Variants in FCF1 observed in about 807,000 individuals in gnomAD.
FCF1 encodes rRNA-processing protein FCF1 homolog.
Under a neutral mutation model 32.5 loss-of-function variants are expected in FCF1, and 17 were observed. That is an observed-to-expected ratio of 0.52 (90% CI 0.36 to 0.78). FCF1 has a LOEUF of 0.78. FCF1 is among the 30% of genes least tolerant of loss of function. FCF1 has a pLI of 0.00. For synonymous variants in FCF1, 84 were observed against 78.4 expected (o/e 1.07, Z -0.38); for missense variants, 201 against 241.1 (o/e 0.83, Z 1.10).
At chr14:74,713,249 TGGAGAA>T in intron 1 of FCF1, 49 bp downstream of exon 1, 2 of 1,614,152 alleles carry the variant, frequency 1.2e-6, no homozygotes, top group South Asian at 2.2e-5. Context: ...ACTTTTTGGG[TGGAGAA>T]GGAGGTAGTC....
intron 7 of FCF1, 43 bp from the exon 8 acceptor site, chr14:74,734,839 C>G: frequency 2.8e-3 from 4,017 of 1,448,552 alleles, no homozygotes; most frequent in Non-Finnish European, 3.6e-3. Flanking sequence ...GATGGGTTCT[C>G]TTCCCATCTT....
Position 74,735,174 on chromosome 14 carries a change from G to A in FCF1, c.*244G>A. 1 of 439,384 alleles carries A rather than the reference G, an allele frequency of 2.3e-6. No individual in the cohort carries two copies. Among genetic ancestry groups the A allele is most frequent in the South Asian group, 4.0e-5 (1 of 24,738 alleles). The allele number at this position is 439,384 out of a possible 1,614,324, so 27.2% of individuals were successfully genotyped here. On this transcript the variant is annotated 3_prime_UTR_variant, in exon 8 of 8. Coordinates refer to ENST00000341162, the MANE Select transcript of FCF1 (RefSeq NM_015962.5). ...GGGGTTGGGGGGAATCTGTGCAGGG[G>A]GAAGCATATTACAGAAGCAAGAAAG...
intron 6 of FCF1, 86 bp downstream of exon 6, chr14:74,732,904 C>T (rs2090657391): frequency 7.6e-6 from 6 of 789,964 alleles, no homozygotes; most frequent in Non-Finnish European, 1.2e-5. Flanking sequence ...GTCAGTAAAA[C>T]ATCTAGGAAT....
At chr14:74,718,080 G>A (rs2090445677) in intron 4 of FCF1, among the ~76,000 whole-genome samples, 1 of 152,142 alleles carries the variant, frequency 6.6e-6, no homozygotes, top group African/African-American at 2.4e-5. Context: ...GGTCAGGCTG[G>A]TCTCAAACTC....
chr14:74,729,346 G>C (rs376581820), intron 5 of FCF1, among the ~76,000 whole-genome samples: 2 of 151,732 alleles, frequency 1.3e-5, no homozygotes, highest in South Asian at 2.1e-4. Flanking sequence ...TGTATGTGTC[G>C]AGGAATTTAT....
chr14:74,735,886 C>CT lies in FCF1; in HGVS notation c.*962dup, dbSNP rs979455387. On this transcript the variant is annotated 3_prime_UTR_variant, in exon 8 of 8. Coordinates refer to ENST00000341162, the MANE Select transcript of FCF1 (RefSeq NM_015962.5). ...CTGGCCTGCTCACTTTCTGATGCTG[C>CT]TTTTTTGTTGTTTGTTTGTTTATTT... 6.6e-6 allele frequency: 1 copy of CT among 151,542 alleles called. No homozygotes were observed. The highest frequency in any genetic ancestry group is 1.5e-5 in the Non-Finnish European group (1 of 68,616). 9.4% of individuals were successfully genotyped at this position (151,542 alleles called of 1,614,324 possible).
intron 6 of FCF1, among the ~76,000 whole-genome samples, chr14:74,733,846 C>T (rs895971390): frequency 4.6e-5 from 7 of 152,156 alleles, no homozygotes; most frequent in African/African-American, 1.7e-4. Flanking sequence ...ACCTTCTCCT[C>T]CTCAAGATTC....
Position 74,717,388 on chromosome 14 carries a change from C to A in FCF1, c.292+1289C>A, listed in dbSNP as rs572311300. Among the ~76,000 whole-genome samples the A allele has an allele frequency of 4.6e-5, 7 of 151,828 alleles. No homozygotes were observed. In the South Asian group the frequency reaches 8.3e-4, roughly 18 times the overall value. The stretch of plus-strand genomic sequence containing the variant: ...AATGGCTGCATACATTTATTAGCTG[C>A]ATACGTTTATTAAGATGTGAAGGTA... On this transcript the variant is annotated intron_variant, in intron 4 of 7. Transcript: ENST00000341162.
chr14:74,734,087 C>G lies in FCF1; in HGVS notation c.465C>G (p.Tyr155Ter). The change falls in exon 7 of 8, where the codon TAC becomes TAG. Residue 155 changes from tyrosine (Y) to a stop codon, truncating the protein, a stop_gained. Transcript: ENST00000341162. LOFTEE classifies it high-confidence loss of function. ...CATGTCTCTTACAGCATAAGTGTTA[C>G]ATTGTGGCCACAGTTGACCGGGACC... ...LVQRVTQHKC[Y>*]IVATVDRDLK... 6.2e-7 allele frequency: 1 copy of G among 1,612,498 alleles called. No homozygotes were observed. Among genetic ancestry groups the G allele is most frequent in the Non-Finnish European group, 8.5e-7 (1 of 1,178,610 alleles).
At chr14:74,734,630 A>G (rs1028599104) in intron 7 of FCF1, among the ~76,000 whole-genome samples, 4 of 152,140 alleles carry the variant, frequency 2.6e-5, no homozygotes, top group Non-Finnish European at 5.9e-5. Flanking sequence ...TCTGTGGACT[A>G]AGAAGTTGGA....
At chr14:74,714,778 CAA>C (rs35901005) in intron 2 of FCF1, 92 bp from the exon 3 acceptor site, 37,370 of 1,260,444 alleles carry the variant, frequency 0.03, 4 homozygotes, top group South Asian at 0.057. Context: ...TTCAGTAGAC[CAA>C]AAAAAAAAAA....
At position 74,737,066 on chromosome 14, in the gene FCF1, A is replaced by C. The variant is rs936327997; in HGVS notation, c.*2136A>C. On this transcript the variant is annotated 3_prime_UTR_variant, in exon 8 of 8. Coordinates refer to ENST00000341162, the MANE Select transcript of FCF1 (RefSeq NM_015962.5). The stretch of plus-strand genomic sequence containing the variant: ...GAATGGAAGATGAAGCATAGGAAAC[A>C]GTACACCATAGAAAATCCATTAACC... The C allele has an allele frequency of 3.3e-5, 5 of 152,236 alleles. No homozygotes were observed. The highest frequency in any genetic ancestry group is 4.8e-5 in the African/African-American group (2 of 41,444). The allele number at this position is 152,236 out of a possible 1,614,324, so 9.4% of individuals were successfully genotyped here. A position where few individuals can be genotyped will look rare whatever the true frequency, so the allele number is the denominator to read the frequency against.
intron 5 of FCF1, among the ~76,000 whole-genome samples, chr14:74,730,137 G>A (rs532058481): frequency 3.3e-4 from 50 of 150,382 alleles, no homozygotes; most frequent in Admixed American, 8.6e-4. Context: ...CATATGTGGA[G>A]TATACCATTT....
intron 4 of FCF1, among the ~76,000 whole-genome samples, chr14:74,722,897 G>A (rs2090524727): frequency 6.6e-6 from 1 of 152,044 alleles, no homozygotes; most frequent in African/African-American, 2.4e-5. Flanking sequence ...AGGAGTTTGA[G>A]GCTGCAGTGA....
chr14:74,732,358 A>ATTCT (rs2090650598), intron 5 of FCF1, among the ~76,000 whole-genome samples: 1 of 152,116 alleles, frequency 6.6e-6, no homozygotes, highest in African/African-American at 2.4e-5. Flanking sequence ...TTCTGCCTAT[A>ATTCT]TTCTTGTTCA....
chr14:74,723,341 T>C lies in FCF1; in HGVS notation c.362T>C (p.Leu121Pro), dbSNP rs1566718067. Residue 121 changes from leucine (L) to proline (P), a missense_variant, in exon 5 of 8, where the codon CTA becomes CCA. By Grantham distance (98) the Leu-to-Pro change is moderately conservative (BLOSUM62 -3). Around this residue, in one of 3 missense-constraint regions of FCF1, gnomAD observed 121 missense variants for 147.8 expected, o/e 0.82. Coordinates refer to ENST00000341162, the MANE Select transcript of FCF1 (RefSeq NM_015962.5). ...TTGGGGCAGAAGTATCGAGTGGCTC[T>C]AAGGTAGGAAGGAGGTAAACTAGAT... The part of the protein sequence containing the change: ...EKLGQKYRVA[L>P]RIAKDPRFER... 1 of 1,611,586 alleles carries C rather than the reference T, an allele frequency of 6.2e-7. No individual in the cohort carries two copies. Among genetic ancestry groups the C allele is most frequent in the Non-Finnish European group, 8.5e-7 (1 of 1,177,840 alleles).
chr14:74,721,270 C>A (rs1594784727), intron 4 of FCF1, among the ~76,000 whole-genome samples: 1 of 151,948 alleles, frequency 6.6e-6, no homozygotes, highest in Non-Finnish European at 1.5e-5. Flanking sequence ...TGGTCTTGAA[C>A]TCCTGACCTC....
At chr14:74,717,766 C>T (rs1434324798) in intron 4 of FCF1, among the ~76,000 whole-genome samples, 1 of 152,216 alleles carries the variant, frequency 6.6e-6, no homozygotes, top group Non-Finnish European at 1.5e-5. Flanking sequence ...TGGCCCTTTG[C>T]TTCCTTGATG....
intron 2 of FCF1, 102 bp downstream of exon 2, chr14:74,713,654 T>A: frequency 9.7e-7 from 1 of 1,033,178 alleles, no homozygotes; most frequent in Non-Finnish European, 1.5e-6. Flanking sequence ...TTGCTTATTA[T>A]CGTGTCTTAG....
Sources: allele counts gnomAD v4.1 joint callset (sites outside exome capture counted in the v4.1 genomes callset), GRCh38; gene constraint gnomAD v4.1.1; regional missense constraint gnomAD v4.1.1; transcripts MANE v1.5; gene names NCBI Gene and HGNC (gene_info 2026-07-23, HGNC 2026-07-21).